The following SDR16C5 variants were observed in gnomAD, a reference collection of about 807,000 sequenced individuals.
SDR16C5 encodes the protein epidermal retinol dehydrogenase 2.
A neutral mutation model predicts 27.7 loss-of-function variants in SDR16C5; 20 were observed. That is an observed-to-expected ratio of 0.72 (90% CI 0.51 to 1.05). The LOEUF is 1.05. Ranked by LOEUF, SDR16C5 falls within the 50% of genes least tolerant of loss-of-function variation. The pLI is 0.00. For missense variants in SDR16C5, 374 were observed against 366.3 expected (o/e 1.02, Z -0.17); for synonymous variants, 139 against 132.3 (o/e 1.05, Z -0.35).
intron 6 of SDR16C5, 97 bp downstream of exon 6, chr8:56,305,500 A>T (rs928659309): frequency 9.3e-7 from 1 of 1,072,558 alleles, no homozygotes. Flanking sequence ...AATGAATTTT[A>T]ATTTATCAGG....
intron 6 of SDR16C5, chr8:56,303,931 C>G (rs1302576667): frequency 1.4e-6 from 1 of 701,896 alleles, no homozygotes; most frequent in African/African-American, 1.7e-5. Flanking sequence ...AATGAAGAAG[C>G]CAAGACCTGG....
At chr8:56,307,535 G>A (rs1814916387) in intron 4 of SDR16C5, among the ~76,000 whole-genome samples, 1 of 152,226 alleles carries the variant, frequency 6.6e-6, no homozygotes, top group South Asian at 2.1e-4. Context: ...ATTCAGAGGA[G>A]GCATATTTAA....
At chr8:56,318,766 C>A (rs926055165) in intron 1 of SDR16C5, among the ~76,000 whole-genome samples, 11 of 152,156 alleles carry the variant, frequency 7.2e-5, no homozygotes, top group African/African-American at 2.7e-4. Flanking sequence ...ATATGTCCAT[C>A]TTTTAACCCT....
chr8:56,316,206 C>T lies in SDR16C5; in HGVS notation c.142G>A (p.Ala48Thr), dbSNP rs1815192791. Residue 48 changes from alanine (A) to threonine (T), a missense_variant, in exon 2 of 7, where the codon GCT becomes ACT. Ala to Thr is a moderately conservative substitution (Grantham distance 58). Coordinates refer to ENST00000303749, the MANE Select transcript of SDR16C5 (RefSeq NM_138969.4). ...VAGEIVLITG[A>T]GSGLGRLLAL... ...AAGAGCCTTCCGAGTCCACTTCCAG[C>T]ACCTGTGATGAGGACTATTTCACCA... The T allele has an allele frequency of 6.2e-7, 1 of 1,614,064 alleles. No individual in the cohort carries two copies. Among genetic ancestry groups the T allele is most frequent in the Non-Finnish European group, 8.5e-7 (1 of 1,179,998 alleles).
intron 5 of SDR16C5, among the ~76,000 whole-genome samples, chr8:56,306,091 C>T (rs1563439059): frequency 6.6e-6 from 1 of 152,068 alleles, no homozygotes; most frequent in Non-Finnish European, 1.5e-5. Context: ...TATTTGTGTC[C>T]CCCCAAAAAT....
chr8:56,309,716 G>T, intron 3 of SDR16C5: 1 of 324,772 alleles, frequency 3.1e-6, no homozygotes, highest in Non-Finnish European at 4.4e-6. Context: ...AACCTCACTT[G>T]TTTGCCTGCA....
Position 56,312,273 on chromosome 8 carries a change from C to T in SDR16C5, c.349G>A (p.Gly117Ser), listed in dbSNP as rs749076138. 5.0e-6 allele frequency: 8 copies of T among 1,613,826 alleles called. No homozygotes were observed. The highest frequency in any genetic ancestry group is 5.9e-6 in the Non-Finnish European group (7 of 1,179,738). The change falls in exon 3 of 7, where the codon GGC becomes AGC. Residue 117 changes from glycine (G) to serine (S), a missense_variant. Physicochemically the swap from Gly to Ser is moderately conservative, Grantham distance 56. Coordinates refer to ENST00000303749, the MANE Select transcript of SDR16C5 (RefSeq NM_138969.4). ...RVADQVKKEV[G>S]DVSILINNAG... ...TTGTTGATTAGGATGGAAACATCGC[C>T]GACTTCTTTTTTAACCTGAATTGAA... is the stretch of plus-strand genomic sequence containing the variant.
intron 3 of SDR16C5, among the ~76,000 whole-genome samples, chr8:56,311,849 A>G (rs1284836888): frequency 1.3e-5 from 2 of 152,200 alleles, no homozygotes; most frequent in African/African-American, 2.4e-5. Flanking sequence ...ATGATCCCTT[A>G]TCTCACCGAG....
In SDR16C5 at chr8:56,306,710, TA is replaced by T. The variant is rs754961219; in HGVS notation, c.675del (p.Phe225LeufsTer2). 6.2e-6 allele frequency: 10 copies of T among 1,613,640 alleles called. No homozygotes were observed. The highest frequency in any genetic ancestry group is 1.7e-5 in the Admixed American group (1 of 59,946). On this transcript the variant is annotated frameshift_variant, in exon 5 of 7. Coordinates refer to ENST00000303749, the MANE Select transcript of SDR16C5 (RefSeq NM_138969.4). LOFTEE classifies it high-confidence loss of function. ...GIKTTIVCPF[F>X]IKTGMFEGCT... ...CAACCTTCAAACATTCCAGTTTTTA[TA>T]AAAAAGGGGCACACAATCGTGGTTT...
At chr8:56,306,894 G>A (rs748051023) in intron 4 of SDR16C5, 74 bp from the exon 5 acceptor site, 45 of 1,277,514 alleles carry the variant, frequency 3.5e-5, no homozygotes, top group Non-Finnish European at 4.5e-5. Context: ...TACCCATAAC[G>A]CTAACAGCGA....
At chr8:56,315,648 G>A (rs752340963) in intron 2 of SDR16C5, among the ~76,000 whole-genome samples, 2 of 152,078 alleles carry the variant, frequency 1.3e-5, no homozygotes, top group African/African-American at 4.8e-5. Flanking sequence ...AATAGGGGCC[G>A]GTATGGTCCG....
Position 56,312,121 on chromosome 8 carries a change from A to C in SDR16C5, c.465+36T>G, listed in dbSNP as rs1041752157. 4 of 1,554,374 alleles carry C rather than the reference A, an allele frequency of 2.6e-6. No homozygotes were observed. In the African/African-American group the frequency reaches 5.5e-5, roughly 21 times the overall value. ...GGAAAATACTTCCAAATGCCAGAAT[A>C]ATTTTACATTTATGATGAGAAGAAA... On this transcript the variant is annotated intron_variant, in intron 3 of 6. Transcript: ENST00000303749.
rs984640402 is a variant in SDR16C5, at chr8:56,300,612, G to A, written c.*868C>T. ...CTGATGAATATAAATGCATAAAATT[G>A]CCCATTCTGCAGGAAAATGCCTCAA... On this transcript the variant is annotated 3_prime_UTR_variant, in exon 7 of 7. Coordinates refer to ENST00000303749, the MANE Select transcript of SDR16C5 (RefSeq NM_138969.4). 2.0e-5 allele frequency: 3 copies of A among 152,184 alleles called. No individual in the cohort carries two copies. Among genetic ancestry groups the A allele is most frequent in the African/African-American group, 4.8e-5 (2 of 41,450 alleles). The allele number at this position is 152,184 out of a possible 1,614,324, so 9.4% of individuals were successfully genotyped here.
At chr8:56,307,979 GACAACAGA>G (rs1814928901) in intron 4 of SDR16C5, among the ~76,000 whole-genome samples, 1 of 152,156 alleles carries the variant, frequency 6.6e-6, no homozygotes, top group Non-Finnish European at 1.5e-5. Flanking sequence ...AAAGGCCCGT[GACAACAGA>G]TATATAAGAG....
rs577251399 is a variant in SDR16C5 at position 56,303,082 on chromosome 8, G to A, written c.837-1509C>T. 6.6e-5 allele frequency among the ~76,000 whole-genome samples: 10 copies of A among 152,210 alleles called. No homozygotes were observed. In the South Asian group the frequency reaches 1.2e-3, roughly 19 times the overall value. The stretch of plus-strand genomic sequence containing the variant: ...TAATCCCAGCACTTTGGGAGGCTGA[G>A]GTGGGTGGATGACCTGAGGTCGAGA... On this transcript the variant is annotated intron_variant, in intron 6 of 6. Transcript: ENST00000303749.
intron 2 of SDR16C5, among the ~76,000 whole-genome samples, chr8:56,313,427 T>C (rs934437663): frequency 3.3e-5 from 5 of 152,158 alleles, no homozygotes; most frequent in African/African-American, 1.2e-4. Flanking sequence ...GATCACAGAG[T>C]GTACTTAATA....
intron 2 of SDR16C5, among the ~76,000 whole-genome samples, chr8:56,313,371 T>C (rs902841431): frequency 1.3e-5 from 2 of 152,246 alleles, no homozygotes; most frequent in Non-Finnish European, 2.9e-5. Flanking sequence ...ACAATGGAGA[T>C]ACATTCTGAG....
rs117262673 is a variant in SDR16C5 at position 56,303,013 on chromosome 8, A to C, written c.837-1440T>G. Among the ~76,000 whole-genome samples, 742 of 151,600 alleles carry C rather than the reference A, an allele frequency of 4.9e-3. 7 individuals are homozygous for C. The highest frequency in any genetic ancestry group is 0.039 in the East Asian group (198 of 5,112). ...AAATTAAAGAGTAAAATTAAAAAAAAAACAACAACGTAAATCTTGGCCGGG... is the reference window on the plus strand; with the variant it reads ...AAATTAAAGAGTAAAATTAAAAAAACAACAACAACGTAAATCTTGGCCGGG... On this transcript the variant is annotated intron_variant, in intron 6 of 6. Coordinates refer to ENST00000303749, the MANE Select transcript of SDR16C5 (RefSeq NM_138969.4).
chr8:56,316,574 C>T (rs908307074), intron 1 of SDR16C5, among the ~76,000 whole-genome samples: 3 of 152,212 alleles, frequency 2.0e-5, no homozygotes, highest in African/African-American at 7.2e-5. Context: ...CCAGGCTCAG[C>T]ATGTTATTTG....
Sources: gnomAD v4.1 joint callset for allele counts (sites outside exome capture counted in the v4.1 genomes callset) on GRCh38, gnomAD v4.1.1 for gene constraint, MANE v1.5 for transcripts, NCBI Gene and HGNC (gene_info 2026-07-23, HGNC 2026-07-21) for gene names.